POLG: variants seen among roughly 807,000 people sequenced by gnomAD.
The protein encoded by POLG is DNA polymerase gamma, catalytic subunit, also known as DNA polymerase subunit gamma-1.
In POLG, 110 loss-of-function variants were observed where a neutral mutation model predicts 155.4. The ratio of observed to expected loss-of-function variants is 0.71; its 90% CI spans 0.61 to 0.83. The LOEUF is 0.83. POLG is among the 40% of genes least tolerant of loss of function. POLG has a pLI of 0.00. For missense variants in POLG, 1,685 were observed against 1,627.5 expected (o/e 1.04, Z -0.61); for synonymous variants, 701 against 631.5 (o/e 1.11, Z -1.65).
chr15:89,323,465 C>G lies in POLG; in HGVS notation c.2204G>C (p.Gly735Ala). 6.2e-7 allele frequency: 1 copy of G among 1,614,040 alleles called. No homozygotes were observed. The highest frequency in any genetic ancestry group is 8.5e-7 in the Non-Finnish European group (1 of 1,179,912). ...GTCCACGTCGTTGTAAGGTCCATTGCCATGGTGATAGCTGGGCTGGGTGTC... is the reference window on the plus strand; with the variant it reads ...GTCCACGTCGTTGTAAGGTCCATTGGCATGGTGATAGCTGGGCTGGGTGTC... ...PKDTQPSYHHGNGPYNDVDIP... is the reference protein window; with the variant it reads ...PKDTQPSYHHANGPYNDVDIP... Residue 735 changes from glycine to alanine, a missense_variant, in exon 13 of 23, where the codon GGC (glycine) becomes GCC (alanine). By Grantham distance (60) the Gly-to-Ala change is moderately conservative. This residue lies in a region of POLG where 1,210 missense variants were observed against 1,167.1 expected (regional missense o/e 1.04). Coordinates refer to ENST00000268124, the MANE Select transcript of POLG (RefSeq NM_002693.3).
chr15:89,329,009 T>C lies in POLG; in HGVS notation c.957A>G (p.Lys319=), dbSNP rs2152068133. 6.2e-7 allele frequency: 1 copy of C among 1,613,534 alleles called. No individual in the cohort carries two copies. The highest frequency in any genetic ancestry group is 1.1e-5 in the South Asian group (1 of 91,050). ...GCTTTGTGGGGGGCTGGACCTTGTG[T>C]TTGCCCTGCTTGGCTGCTATCCACA... is the stretch of plus-strand genomic sequence containing the variant. The part of the protein sequence containing the change: ...RSLWIAAKQG[K]HKVQPPTKQG... The change falls in exon 4 of 23, where the codon AAA becomes AAG. Residue 319 remains lysine, a synonymous_variant. Transcript: ENST00000268124.
rs769104909 is a variant in POLG, at chr15:89,329,063, G to T, written c.903C>A (p.Ile301=). 29 of 1,612,946 alleles carry T rather than the reference G, an allele frequency of 1.8e-5. No homozygotes were observed. The highest frequency in any genetic ancestry group is 8.3e-5 in the Admixed American group (5 of 60,014). The part of the protein sequence containing the change: ...FLDTMSMHMA[I]SGLSSFQRSL... ...TGCGCTGGAAGCTGCTTAGCCCTGA[G>T]ATGGCCATGTGCATGCTCATGGTGT... The change falls in exon 4 of 23, where the codon ATC becomes ATA. Residue 301 remains isoleucine, a synonymous_variant. Coordinates refer to ENST00000268124, the MANE Select transcript of POLG (RefSeq NM_002693.3).
chr15:89,316,800 A>G lies in POLG; in HGVS notation c.3671T>C (p.Ile1224Thr), dbSNP rs779072487. The change falls in exon 23 of 23, where the codon ATT (isoleucine) becomes ACT (threonine). Residue 1224 changes from isoleucine to threonine, a missense_variant. Ile to Thr is a moderately conservative substitution (Grantham distance 89). This residue lies in a region of POLG where 470 missense variants were observed against 439.9 expected (regional missense o/e 1.07). Transcript: ENST00000268124. ...QGEALDIYQI[I>T]ELTKGSLEKR... ...TTCCAAGGAGCCTTTGGTGAGTTCA[A>G]TTATCTGGTAAATATCCAGCGCTTC... is the stretch of plus-strand genomic sequence containing the variant. 9.3e-6 allele frequency: 15 copies of G among 1,613,834 alleles called. No individual in the cohort carries two copies. The highest frequency in any genetic ancestry group is 2.7e-5 in the African/African-American group (2 of 74,902).
rs1393973718 is a variant in POLG, at chr15:89,321,009, C to T, written c.2738G>A (p.Cys913Tyr). The T allele has an allele frequency of 1.2e-6, 2 of 1,613,990 alleles. No individual in the cohort carries two copies. The highest frequency in any genetic ancestry group is 1.7e-6 in the Non-Finnish European group (2 of 1,180,042). Reference protein sequence around the residue: ...GDAHFAGMHGCTAFGWMTLQG... With the variant: ...GDAHFAGMHGYTAFGWMTLQG... ...CAGTGTCATCCACCCAAAGGCTGTG[C>T]AGCCTGGAAGACAAGCAGGAGTGAG... Residue 913 changes from cysteine to tyrosine, a missense_variant, in exon 18 of 23, where the codon TGC becomes TAC. Physicochemically the swap from Cys to Tyr is radical, Grantham distance 194. Coordinates refer to ENST00000268124, the MANE Select transcript of POLG (RefSeq NM_002693.3).
At chr15:89,325,085 A>AGAAAGAGAGAGAGTGAGT (rs2055464218) in intron 10 of POLG, among the ~76,000 whole-genome samples, 1 of 77,676 alleles carries the variant, frequency 1.3e-5, no homozygotes, top group African/African-American at 8.7e-5. Flanking sequence ...AGTGAGTGAG[A>AGAAAGAGAGAGAGTGAGT]GAGTGAGTGA....
At chr15:89,321,363 A>G (rs779167945) in intron 16 of POLG, 103 bp from the exon 17 acceptor site, 12 of 1,310,076 alleles carry the variant, frequency 9.2e-6, no homozygotes, top group African/African-American at 1.5e-5. Context: ...GGATGGCTTT[A>G]GAGAATGCCA....
At position 89,333,404 on chromosome 15, in the gene POLG, G is replaced by C; in HGVS notation, c.351C>G (p.Ala117=). 1.2e-6 allele frequency: 2 copies of C among 1,602,316 alleles called. No homozygotes were observed. The highest frequency in any genetic ancestry group is 1.7e-6 in the Non-Finnish European group (2 of 1,177,440). ...LQKHGLWGQP[A]VPLPDVELRL... ...GCAGCTCCACGTCGGGCAAGGGCAC[G>C]GCTGGCTGCCCCCAGAGCCCGTGCT... The change falls in exon 2 of 23, where the codon GCC becomes GCG. Residue 117 remains alanine, a synonymous_variant. Transcript: ENST00000268124.
intron 6 of POLG, 88 bp downstream of exon 6, chr15:89,328,366 TGA>T: frequency 1.0e-6 from 1 of 1,001,714 alleles, no homozygotes; most frequent in Non-Finnish European, 1.6e-6. Flanking sequence ...GTCCCCAACC[TGA>T]GATAGAACCA....
chr15:89,322,489 GCA>G (rs1329903751), intron 14 of POLG, among the ~76,000 whole-genome samples: 2 of 152,234 alleles, frequency 1.3e-5, no homozygotes, highest in African/African-American at 4.8e-5. Context: ...CACGGCTCCA[GCA>G]GTTACACCAA....
chr15:89,317,008 G>C (rs2055291035), intron 22 of POLG, 181 bp from the exon 23 acceptor site: 1 of 623,726 alleles, frequency 1.6e-6, no homozygotes, highest in Admixed American at 2.9e-5. Context: ...GTGTGTCTTA[G>C]ATATATTTTA....
At chr15:89,325,259 T>TGAGTGAGAGAGTGAGTGAGA (rs1567190003) in intron 10 of POLG, among the ~76,000 whole-genome samples, 191 bp downstream of exon 10, 1 of 80,412 alleles carries the variant, frequency 1.2e-5, no homozygotes, top group Non-Finnish European at 2.4e-5. Flanking sequence ...AGAGAGAGAG[T>TGAGTGAGAGAGTGAGTGAGA]GAGTGAGTGA....
chr15:89,323,006 C>G, intron 13 of POLG, 104 bp from the exon 14 acceptor site: 1 of 1,196,192 alleles, frequency 8.4e-7, no homozygotes, highest in Non-Finnish European at 1.2e-6. Flanking sequence ...CCCAGAACCT[C>G]AGCAGTCTGA....
chr15:89,316,974 AG>A (rs1456206895), intron 22 of POLG, 147 bp from the exon 23 acceptor site: 1 of 692,826 alleles, frequency 1.4e-6, no homozygotes, highest in Non-Finnish European at 2.6e-6. Flanking sequence ...ACATGTTAGG[AG>A]GGTCTGTTTT....
chr15:89,325,665 G>A lies in POLG; in HGVS notation c.1734C>T (p.Pro578=). ...GHPGWYRKLC[P]RLDDPAWTPG... ...GGGTCCATGCAGGGTCGTCTAGCCG[G>A]GGGCAGAGCTTCCGGTACCATCTAC... Residue 578 remains proline, a synonymous_variant, in exon 10 of 23, where the codon CCC becomes CCT. Coordinates refer to ENST00000268124, the MANE Select transcript of POLG (RefSeq NM_002693.3). The A allele has an allele frequency of 1.9e-6, 3 of 1,609,558 alleles. No homozygotes were observed. Among genetic ancestry groups the A allele is most frequent in the Non-Finnish European group, 2.5e-6 (3 of 1,179,898 alleles).
Position 89,316,496 on chromosome 15 carries a change from T to TGCTTCATTTTTAC in POLG, c.*242_*254dup. The TGCTTCATTTTTAC allele has an allele frequency of 6.3e-7, 1 of 1,579,556 alleles. No individual in the cohort carries two copies. The highest frequency in any genetic ancestry group is 8.6e-7 in the Non-Finnish European group (1 of 1,158,642). On this transcript the variant is annotated 3_prime_UTR_variant, in exon 23 of 23. Transcript: ENST00000268124. ...GAGTTAATGTGAACTTTGGGGCTTC[T>TGCTTCATTTTTAC]GCTTCATTTTTACCCAACAAGCAAC...
At chr15:89,325,271 T>TGAGTGAGA (rs1416271113) in intron 10 of POLG, among the ~76,000 whole-genome samples, 179 bp downstream of exon 10, 1 of 92,774 alleles carries the variant, frequency 1.1e-5, no homozygotes, top group African/African-American at 6.9e-5. Context: ...AGTGAGTGAG[T>TGAGTGAGA]GAGAGAGAGA....
rs1473911378 is a variant in POLG at position 89,333,487 on chromosome 15, G to T, written c.268C>A (p.Gln90Lys). Residue 90 changes from glutamine to lysine, a missense_variant, in exon 2 of 23, where the codon CAA (glutamine) becomes AAA (lysine). Coordinates refer to ENST00000268124, the MANE Select transcript of POLG (RefSeq NM_002693.3). ...GCCTCGCCAGGCATCTCCCCTCCTTGCCCGAAGATTTGCTCGTGCAGCCCT... is the reference window on the plus strand; with the variant it reads ...GCCTCGCCAGGCATCTCCCCTCCTTTCCCGAAGATTTGCTCGTGCAGCCCT... ...SRGLHEQIFG[Q>K]GGEMPGEAAV... 6.2e-7 allele frequency: 1 copy of T among 1,612,570 alleles called. No homozygotes were observed. The highest frequency in any genetic ancestry group is 8.5e-7 in the Non-Finnish European group (1 of 1,179,692).
intron 10 of POLG, among the ~76,000 whole-genome samples, chr15:89,325,117 AGTGAGT>A (rs2055472084): frequency 3.1e-5 from 2 of 64,702 alleles, no homozygotes; most frequent in African/African-American, 1.0e-4. Context: ...AGAGAGAGTG[AGTGAGT>A]GAGTGAGAGA....
chr15:89,324,919 C>T (rs1400262989), intron 10 of POLG, among the ~76,000 whole-genome samples: 1 of 152,216 alleles, frequency 6.6e-6, no homozygotes, highest in Non-Finnish European at 1.5e-5. Context: ...AGCTATGCTT[C>T]TGGGCCCAAG....
Sources: allele counts gnomAD v4.1 joint callset (sites outside exome capture counted in the v4.1 genomes callset), GRCh38; gene constraint gnomAD v4.1.1; regional missense constraint gnomAD v4.1.1; transcripts MANE v1.5; gene names NCBI Gene and HGNC (gene_info 2026-07-23, HGNC 2026-07-21).